Variants in NRP2 observed in about 807,000 individuals in gnomAD.
NRP2 encodes neuropilin-2.
In NRP2, 52 loss-of-function variants were observed where a neutral mutation model predicts 110.4. The ratio of observed to expected loss-of-function variants is 0.47; its 90% CI spans 0.38 to 0.59. The LOEUF (loss-of-function observed/expected upper bound fraction) is 0.59. Ranked by LOEUF, NRP2 falls within the 20% of genes least tolerant of loss-of-function variation. The pLI is 0.00. For missense variants in NRP2, 1,049 were observed against 1,203.0 expected, an observed-to-expected ratio of 0.87 and a Z score of 1.89; for synonymous variants, 508 against 468.9, an observed-to-expected ratio of 1.08 and a Z score of -1.08.
At chr2:205,683,611 C>A (rs1448973220) in intron 1 of NRP2, among the ~76,000 whole-genome samples, 1 of 151,604 alleles carries the variant, frequency 6.6e-6, no homozygotes, top group African/African-American at 2.4e-5. Context: ...CAGAATTTGG[C>A]GGTGTTCATA....
At chr2:205,736,457 T>C (rs2057345277) in intron 7 of NRP2, among the ~76,000 whole-genome samples, 1 of 152,232 alleles carries the variant, frequency 6.6e-6, no homozygotes, top group Non-Finnish European at 1.5e-5. Flanking sequence ...AACCCACCGA[T>C]TTTTCTCAGA....
chr2:205,770,463 G>T (rs2058003690), intron 15 of NRP2, among the ~76,000 whole-genome samples: 1 of 131,244 alleles, frequency 7.6e-6, no homozygotes, highest in East Asian at 2.1e-4. Context: ...GTGCCAACTG[G>T]CCAATCTCTG....
Position 205,722,715 on chromosome 2 carries a change from G to A in NRP2, c.664+7G>A, listed in dbSNP as rs775828606. On this transcript the variant is annotated splice_region_variant and intron_variant, in intron 4 of 16. Transcript: ENST00000357785. ...TGGGATGGCATTCCACATGGTGAGTGATGTCATGAGGCATTCCTCAGTAGC... is the reference window on the plus strand; with the variant it reads ...TGGGATGGCATTCCACATGGTGAGTAATGTCATGAGGCATTCCTCAGTAGC... 2.5e-6 allele frequency: 4 copies of A among 1,605,392 alleles called. No homozygotes were observed. Among genetic ancestry groups the A allele is most frequent in the African/African-American group, 1.3e-5 (1 of 74,884 alleles).
chr2:205,705,490 C>T (rs1036983641), intron 2 of NRP2, among the ~76,000 whole-genome samples: 15 of 152,182 alleles, frequency 9.9e-5, no homozygotes, highest in Non-Finnish European at 1.8e-4. Context: ...TCTTTTCGAG[C>T]TTTGTAGCCA....
At chr2:205,699,941 T>C (rs2056516619) in intron 2 of NRP2, among the ~76,000 whole-genome samples, 1 of 151,976 alleles carries the variant, frequency 6.6e-6, no homozygotes, top group African/African-American at 2.4e-5. Context: ...TAATTCTCTG[T>C]TCCTCCCCCC....
chr2:205,774,206 G>A (rs893893173), intron 15 of NRP2, among the ~76,000 whole-genome samples: 4 of 152,192 alleles, frequency 2.6e-5, no homozygotes, highest in African/African-American at 9.7e-5. Flanking sequence ...CCAGTTGACT[G>A]TGACTTGCAA....
intron 2 of NRP2, among the ~76,000 whole-genome samples, chr2:205,715,721 T>C (rs1442036945): frequency 4.6e-5 from 7 of 152,120 alleles, no homozygotes; most frequent in Non-Finnish European, 8.8e-5. Flanking sequence ...CCCTTACATA[T>C]ATATTTTTTT....
At chr2:205,742,863 G>C (rs1368811986) in intron 8 of NRP2, among the ~76,000 whole-genome samples, 1 of 152,162 alleles carries the variant, frequency 6.6e-6, no homozygotes, top group Non-Finnish European at 1.5e-5. Context: ...GCACCATCCT[G>C]TGAGCTCTTA....
At chr2:205,781,967 T>G (rs1203092608) in intron 15 of NRP2, among the ~76,000 whole-genome samples, 2 of 152,152 alleles carry the variant, frequency 1.3e-5, no homozygotes, top group African/African-American at 4.8e-5. Flanking sequence ...GCCACAAGCC[T>G]GGGCCAGAGT....
intron 15 of NRP2, among the ~76,000 whole-genome samples, chr2:205,787,548 C>T (rs769562055): frequency 6.6e-6 from 1 of 152,110 alleles, no homozygotes; most frequent in African/African-American, 2.4e-5. Context: ...TAAACAGTGT[C>T]GAGGCCAATA....
At chr2:205,743,590 AACAGGGAGGCTAAGTGTGGT>A (rs2057484058) in intron 9 of NRP2, 38 bp downstream of exon 9, 6 of 1,608,768 alleles carry the variant, frequency 3.7e-6, no homozygotes, top group Non-Finnish European at 4.2e-6. Context: ...CGTTACCCTC[AACAGGGAGGCTAAGTGTGGT>A]ACAGGGAGTT....
At chr2:205,734,408 C>T (rs539391673) in intron 7 of NRP2, among the ~76,000 whole-genome samples, 1 of 149,680 alleles carries the variant, frequency 6.7e-6, no homozygotes, top group South Asian at 2.1e-4. Flanking sequence ...CGCCCCCCCC[C>T]ACCCCGCATC....
intron 1 of NRP2, among the ~76,000 whole-genome samples, chr2:205,689,626 T>C (rs1018907844): frequency 1.3e-5 from 2 of 152,242 alleles, no homozygotes; most frequent in Admixed American, 6.5e-5. Flanking sequence ...CTTCAGAGAA[T>C]ATTCTCTGCT....
chr2:205,729,050 T>C (rs1171446516), intron 7 of NRP2, among the ~76,000 whole-genome samples: 1 of 152,178 alleles, frequency 6.6e-6, no homozygotes, highest in Admixed American at 6.5e-5. Context: ...TGGCCAAGCC[T>C]AGGGAGGCCA....
chr2:205,683,854 T>A (rs1298948513), intron 1 of NRP2, among the ~76,000 whole-genome samples: 1 of 152,116 alleles, frequency 6.6e-6, no homozygotes, highest in East Asian at 1.9e-4. Context: ...TGCTGTAGAT[T>A]CTTTGGAGAA....
intron 15 of NRP2, among the ~76,000 whole-genome samples, chr2:205,771,318 C>A (rs773590083): frequency 2.0e-5 from 3 of 152,210 alleles, no homozygotes; most frequent in Non-Finnish European, 4.4e-5. Flanking sequence ...GAGGGCGTGA[C>A]CACATTCTTC....
At chr2:205,688,461 T>C (rs553058080) in intron 1 of NRP2, among the ~76,000 whole-genome samples, 1 of 152,318 alleles carries the variant, frequency 6.6e-6, no homozygotes, top group South Asian at 2.1e-4. Context: ...TTTATCTGCC[T>C]TGATGAGAAA....
chr2:205,785,168 A>G (rs531573996), intron 15 of NRP2, among the ~76,000 whole-genome samples: 1 of 152,340 alleles, frequency 6.6e-6, no homozygotes, highest in South Asian at 2.1e-4. Context: ...TTCAGAAGAT[A>G]TTCTTCTTCA....
intron 10 of NRP2, among the ~76,000 whole-genome samples, chr2:205,747,813 T>C (rs1234592980): frequency 1.3e-5 from 2 of 152,122 alleles, no homozygotes; most frequent in Non-Finnish European, 2.9e-5. Flanking sequence ...AATGACCTCT[T>C]TCCTTCATTG....
Sources: gnomAD v4.1 joint callset for allele counts (sites outside exome capture counted in the v4.1 genomes callset) on GRCh38, gnomAD v4.1.1 for gene constraint, MANE v1.5 for transcripts, NCBI Gene and HGNC (gene_info 2026-07-23, HGNC 2026-07-21) for gene names.